The following MITF variants were observed in gnomAD, a reference collection of about 807,000 sequenced individuals.
MITF encodes the protein microphthalmia-associated transcription factor.
Under a neutral mutation model 60.5 loss-of-function variants are expected in MITF, and 17 were observed. The observed-to-expected ratio is 0.28, with a 90% confidence interval of 0.19 to 0.42. The LOEUF (loss-of-function observed/expected upper bound fraction) is 0.42, where lower values mean the gene tolerates loss of function less well. MITF is among the 10% of genes least tolerant of loss of function. The pLI, the probability that MITF is intolerant of heterozygous loss-of-function variation, is 1.00. For synonymous variants in MITF, 260 were observed against 248.5 expected, an observed-to-expected ratio of 1.05 and a Z score of -0.43; for missense variants, 622 against 683.5, an observed-to-expected ratio of 0.91 and a Z score of 1.00.
chr3:69,959,553 C>T, intron 9 of MITF, 133 bp downstream of exon 9: 1 of 1,204,182 alleles, frequency 8.3e-7, no homozygotes, highest in South Asian at 1.3e-5. Context: ...TTTGTGGATT[C>T]TGTGTGTGTG....
In MITF at chr3:69,965,476, C is replaced by T. The variant is rs190540926; in HGVS notation, c.*228C>T. Reference sequence around the variant, plus strand: ...CCAAAGTATTGTACAAATAAGTGTGCAGTATCTGTGAACTGAATTCACCAC... The same window carrying T: ...CCAAAGTATTGTACAAATAAGTGTGTAGTATCTGTGAACTGAATTCACCAC... On this transcript the variant is annotated 3_prime_UTR_variant, in exon 10 of 10. Coordinates refer to ENST00000352241, the MANE Select transcript of MITF (RefSeq NM_001354604.2). The T allele has an allele frequency of 2.5e-4, 120 of 473,782 alleles. No homozygotes were observed. Among genetic ancestry groups the T allele is most frequent in the African/African-American group, 1.9e-3 (99 of 52,076 alleles). The allele number at this position is 473,782 out of a possible 1,614,324, so 29.3% of individuals were successfully genotyped here.
intron 1 of MITF, among the ~76,000 whole-genome samples, chr3:69,807,360 A>G (rs1277912920): frequency 5.3e-5 from 8 of 152,240 alleles, no homozygotes; most frequent in Non-Finnish European, 1.0e-4. Context: ...TCAGAACTAT[A>G]GTTACAAAAT....
At chr3:69,774,565 G>A (rs916331572) in intron 1 of MITF, among the ~76,000 whole-genome samples, 3 of 152,106 alleles carry the variant, frequency 2.0e-5, no homozygotes, top group African/African-American at 4.8e-5. Flanking sequence ...ATCCACTGAC[G>A]CAATGTATTC....
At chr3:69,949,502 A>G (rs1400368282) in intron 6 of MITF, among the ~76,000 whole-genome samples, 4 of 152,000 alleles carry the variant, frequency 2.6e-5, no homozygotes, top group East Asian at 3.9e-4. Flanking sequence ...TCTCCACCCT[A>G]CCTGATATGT....
At chr3:69,882,599 C>T (rs1392408427) in intron 2 of MITF, among the ~76,000 whole-genome samples, 2 of 152,070 alleles carry the variant, frequency 1.3e-5, no homozygotes, top group South Asian at 2.1e-4. Flanking sequence ...TTAATGGAAT[C>T]AGTTTCTTCC....
chr3:69,835,440 T>C (rs2063525663), intron 1 of MITF, among the ~76,000 whole-genome samples: 1 of 152,220 alleles, frequency 6.6e-6, no homozygotes, highest in Non-Finnish European at 1.5e-5. Context: ...CTCTTCACTC[T>C]GTTAATTGTC....
chr3:69,875,245 G>A (rs1247903919), intron 1 of MITF, among the ~76,000 whole-genome samples: 3 of 152,170 alleles, frequency 2.0e-5, no homozygotes, highest in African/African-American at 7.2e-5. Context: ...CCTGGCTTCA[G>A]TGATGCCGAT....
chr3:69,777,228 T>C (rs573903965), intron 1 of MITF, among the ~76,000 whole-genome samples: 3 of 152,320 alleles, frequency 2.0e-5, no homozygotes, highest in Admixed American at 6.5e-5. Context: ...GTCAAGTCTA[T>C]TTCCTATCTT....
chr3:69,876,984 C>T (rs2107268276), intron 1 of MITF, among the ~76,000 whole-genome samples: 1 of 152,290 alleles, frequency 6.6e-6, no homozygotes, highest in South Asian at 2.1e-4. Flanking sequence ...CTCACCCTGG[C>T]AACTATCGTG....
At chr3:69,964,013 C>T (rs1190487126) in intron 9 of MITF, among the ~76,000 whole-genome samples, 3 of 100,778 alleles carry the variant, frequency 3.0e-5, no homozygotes, top group Non-Finnish European at 5.5e-5. Flanking sequence ...TTTCACTCTT[C>T]TAGCCCAGGC....
intron 2 of MITF, chr3:69,936,938 A>C (rs1258047029): frequency 2.2e-6 from 1 of 450,712 alleles, no homozygotes; most frequent in Non-Finnish European, 3.9e-6. Context: ...AGTAAATATT[A>C]GTAGGATTCT....
intron 1 of MITF, among the ~76,000 whole-genome samples, chr3:69,858,641 CAG>C (rs2063960486): frequency 6.6e-6 from 1 of 152,108 alleles, no homozygotes; most frequent in Admixed American, 6.6e-5. Flanking sequence ...ACTGAAAAGA[CAG>C]AGTTTGTTGT....
At chr3:69,905,724 T>A (rs1010174779) in intron 2 of MITF, among the ~76,000 whole-genome samples, 3 of 152,134 alleles carry the variant, frequency 2.0e-5, no homozygotes, top group East Asian at 1.9e-4. Flanking sequence ...TGTTTTTTTT[T>A]AAATTTGCAT....
rs1341150919 is a variant in MITF at position 69,966,316 on chromosome 3, T to C, written c.*1068T>C. On this transcript the variant is annotated 3_prime_UTR_variant, in exon 10 of 10. Transcript: ENST00000352241. ...TTTGTACACCCATGAAAGAAAACTT[T>C]TATGCAAGGTCTTGCATTTAAAAGA... 4.3e-6 allele frequency: 1 copy of C among 232,930 alleles called. No individual in the cohort carries two copies. Among genetic ancestry groups the C allele is most frequent in the Admixed American group, 5.6e-5 (1 of 17,764 alleles). 14.4% of individuals were successfully genotyped at this position (232,930 alleles called of 1,614,324 possible).
At chr3:69,759,743 G>A (rs932708594) in intron 1 of MITF, among the ~76,000 whole-genome samples, 1 of 152,052 alleles carries the variant, frequency 6.6e-6, no homozygotes. Context: ...GATTACAGAG[G>A]GAGCCACATT....
chr3:69,835,557 G>A (rs2063527104), intron 1 of MITF, among the ~76,000 whole-genome samples: 1 of 152,042 alleles, frequency 6.6e-6, no homozygotes, highest in Non-Finnish European at 1.5e-5. Context: ...GCCAAGCCCA[G>A]TGTTGTGAAG....
chr3:69,808,356 G>A (rs1001714302), intron 1 of MITF, among the ~76,000 whole-genome samples: 7 of 152,148 alleles, frequency 4.6e-5, no homozygotes, highest in African/African-American at 1.7e-4. Flanking sequence ...GTATAAACTG[G>A]AACTATCTCA....
chr3:69,867,252 G>A (rs2064133917), intron 1 of MITF, among the ~76,000 whole-genome samples: 1 of 152,114 alleles, frequency 6.6e-6, no homozygotes, highest in Non-Finnish European at 1.5e-5. Context: ...AGCAGCTTGT[G>A]AAGGTGTGTT....
intron 1 of MITF, among the ~76,000 whole-genome samples, chr3:69,796,267 C>A (rs1332456887): frequency 6.6e-6 from 1 of 152,044 alleles, no homozygotes; most frequent in Non-Finnish European, 1.5e-5. Context: ...AGGCATGAGC[C>A]ACTGCGCCTG....
Sources: allele counts gnomAD v4.1 joint callset (sites outside exome capture counted in the v4.1 genomes callset), GRCh38; gene constraint gnomAD v4.1.1; transcripts MANE v1.5; gene names NCBI Gene and HGNC (gene_info 2026-07-23, HGNC 2026-07-21).